XKR6: variants seen among roughly 807,000 people sequenced by gnomAD.
XKR6 encodes the protein XK related 6.
In XKR6, 22 loss-of-function variants were observed where a neutral mutation model predicts 56.7. The observed-to-expected ratio is 0.39, with a 90% CI of 0.28 to 0.55. The LOEUF is 0.55. XKR6 is among the 20% of genes least tolerant of loss of function. The pLI, the probability that XKR6 is intolerant of heterozygous loss-of-function variation, is 0.66. For missense variants in XKR6, 852 were observed against 889.0 expected (o/e 0.96, Z 0.53); for synonymous variants, 524 against 387.8 (o/e 1.35, Z -4.13).
At chr8:11,161,658 A>T (rs1268241323) in intron 1 of XKR6, among the ~76,000 whole-genome samples, 1 of 152,220 alleles carries the variant, frequency 6.6e-6, no homozygotes, top group Non-Finnish European at 1.5e-5. Context: ...TGGCTCCTAT[A>T]GTTCTTTACT....
intron 2 of XKR6, among the ~76,000 whole-genome samples, chr8:10,911,682 G>C (rs921424083): frequency 6.7e-6 from 1 of 148,792 alleles, no homozygotes; most frequent in Non-Finnish European, 1.5e-5. Flanking sequence ...GAAAAAGAGA[G>C]GGTGAGTATA....
intron 1 of XKR6, among the ~76,000 whole-genome samples, chr8:10,986,329 A>G (rs1341854046): frequency 6.6e-6 from 1 of 152,244 alleles, no homozygotes; most frequent in African/African-American, 2.4e-5. Flanking sequence ...GAATTAGAAA[A>G]TAAATAGAAG....
chr8:11,118,434 G>C (rs1010729183), intron 1 of XKR6, among the ~76,000 whole-genome samples: 1 of 152,122 alleles, frequency 6.6e-6, no homozygotes, highest in African/African-American at 2.4e-5. Context: ...AAACCCTCTG[G>C]TCCTGGACTT....
intron 1 of XKR6, among the ~76,000 whole-genome samples, chr8:11,192,757 C>A (rs1803649137): frequency 6.6e-6 from 1 of 152,168 alleles, no homozygotes; most frequent in Non-Finnish European, 1.5e-5. Flanking sequence ...AGGCTCTGAT[C>A]CTGGAGTCTG....
chr8:11,045,323 A>C (rs1389012677), intron 1 of XKR6, among the ~76,000 whole-genome samples: 2 of 151,094 alleles, frequency 1.3e-5, no homozygotes, highest in Admixed American at 6.6e-5. Context: ...CCTAACCTCA[A>C]GTGATCTACC....
intron 1 of XKR6, among the ~76,000 whole-genome samples, chr8:11,029,768 T>C (rs562747631): frequency 6.6e-6 from 1 of 152,154 alleles, no homozygotes; most frequent in South Asian, 2.1e-4. Flanking sequence ...CTTTAGCCAG[T>C]CCCCTGGAAC....
At chr8:11,103,760 A>G (rs1798574624) in intron 1 of XKR6, among the ~76,000 whole-genome samples, 1 of 152,238 alleles carries the variant, frequency 6.6e-6, no homozygotes, top group Non-Finnish European at 1.5e-5. Flanking sequence ...TTCTCTTCAA[A>G]ATACAAAACT....
chr8:11,004,283 C>A (rs1305623111), intron 1 of XKR6, among the ~76,000 whole-genome samples: 1 of 152,092 alleles, frequency 6.6e-6, no homozygotes, highest in East Asian at 1.9e-4. Flanking sequence ...ACCAGCCTGA[C>A]AAACATGGTG....
intron 1 of XKR6, among the ~76,000 whole-genome samples, chr8:11,160,911 C>CAAAAAAAAAAAAAA (rs33931830): frequency 4.7e-4 from 30 of 63,696 alleles, no homozygotes; most frequent in East Asian, 1.3e-3. Flanking sequence ...GACTCCGTCT[C>CAAAAAAAAAAAAAA]AAAAAAAAAA....
intron 1 of XKR6, among the ~76,000 whole-genome samples, chr8:11,112,180 T>C (rs1798927336): frequency 6.6e-6 from 1 of 152,222 alleles, no homozygotes; most frequent in Non-Finnish European, 1.5e-5. Flanking sequence ...AAAGTGGCAT[T>C]AGTTCTGTCT....
intron 1 of XKR6, among the ~76,000 whole-genome samples, chr8:11,029,682 C>T (rs1798948366): frequency 6.6e-6 from 1 of 152,180 alleles, no homozygotes; most frequent in Non-Finnish European, 1.5e-5. Flanking sequence ...TGACATTTGC[C>T]ATGACAGAAG....
intron 1 of XKR6, among the ~76,000 whole-genome samples, chr8:11,033,706 G>T (rs148007698): frequency 6.6e-6 from 1 of 152,030 alleles, no homozygotes; most frequent in Non-Finnish European, 1.5e-5. Flanking sequence ...AAACAGAGTC[G>T]CTCAAAGGGT....
intron 1 of XKR6, among the ~76,000 whole-genome samples, chr8:11,118,486 G>A (rs1799286885): frequency 6.6e-6 from 1 of 152,124 alleles, no homozygotes. Context: ...CAATTTCAGA[G>A]CCTGTTATTG....
chr8:11,044,511 T>G (rs990320566), intron 1 of XKR6, among the ~76,000 whole-genome samples: 1 of 152,216 alleles, frequency 6.6e-6, no homozygotes, highest in South Asian at 2.1e-4. Context: ...CTGACACACC[T>G]GGGGCCCTTC....
At chr8:11,050,124 C>T (rs530423842) in intron 1 of XKR6, among the ~76,000 whole-genome samples, 2 of 152,304 alleles carry the variant, frequency 1.3e-5, no homozygotes, top group South Asian at 2.1e-4. Flanking sequence ...ATGGATTCCC[C>T]TCCTACTCCC....
At chr8:10,968,059 C>G (rs1174588057) in intron 1 of XKR6, among the ~76,000 whole-genome samples, 2 of 152,222 alleles carry the variant, frequency 1.3e-5, no homozygotes, top group African/African-American at 4.8e-5. Flanking sequence ...ACCCCCCAGC[C>G]TTTCCTGTGA....
intron 1 of XKR6, among the ~76,000 whole-genome samples, chr8:11,195,609 C>G (rs1027827656): frequency 1.3e-5 from 2 of 151,598 alleles, no homozygotes; most frequent in African/African-American, 4.8e-5. Context: ...TTTCTTAGAT[C>G]AATTTTACTC....
At chr8:10,954,270 G>T (rs56407290) in intron 1 of XKR6, among the ~76,000 whole-genome samples, 11,347 of 152,266 alleles carry the variant, frequency 0.075, 437 homozygotes, top group Middle Eastern at 0.14. Flanking sequence ...GCACCATTTT[G>T]TATTCCCACA....
At chr8:11,147,655 A>AAAG (rs1491459919) in intron 1 of XKR6, among the ~76,000 whole-genome samples, 1 of 57,548 alleles carries the variant, frequency 1.7e-5, no homozygotes, top group African/African-American at 6.5e-5. Context: ...ACTCTGTCTC[A>AAAG]AAAAAAAAAA....
Sources: gnomAD v4.1 joint callset for allele counts (sites outside exome capture counted in the v4.1 genomes callset) on GRCh38, gnomAD v4.1.1 for gene constraint, MANE v1.5 for transcripts, NCBI Gene and HGNC (gene_info 2026-07-23, HGNC 2026-07-21) for gene names.